The following GRM7 variants were observed in gnomAD, a reference collection of about 807,000 sequenced individuals.
GRM7 encodes the protein metabotropic glutamate receptor 7.
A neutral mutation model predicts 84.5 loss-of-function variants in GRM7; 35 were observed. That is an observed-to-expected ratio of 0.41 (90% CI 0.32 to 0.55). The LOEUF is 0.55. GRM7 is among the 20% of genes least tolerant of loss of function. GRM7 has a pLI of 0.19. For synonymous variants in GRM7, 487 were observed against 455.1 expected, an observed-to-expected ratio of 1.07 and a Z score of -0.89; for missense variants, 1,003 against 1,194.6, an observed-to-expected ratio of 0.84 and a Z score of 2.36.
At chr3:7,363,557 A>G (rs958724816) in intron 4 of GRM7, among the ~76,000 whole-genome samples, 2 of 152,120 alleles carry the variant, frequency 1.3e-5, no homozygotes, top group African/African-American at 4.8e-5. Flanking sequence ...TTATACCCTT[A>G]ATGGAAGAAT....
chr3:7,438,926 A>T (rs1697171980), intron 5 of GRM7, among the ~76,000 whole-genome samples: 1 of 152,202 alleles, frequency 6.6e-6, no homozygotes, highest in Non-Finnish European at 1.5e-5. Context: ...GTTGAATCCA[A>T]TATACCCATA....
intron 2 of GRM7, among the ~76,000 whole-genome samples, chr3:7,245,902 A>C (rs977108629): frequency 3.3e-5 from 5 of 152,150 alleles, no homozygotes; most frequent in African/African-American, 1.2e-4. Flanking sequence ...TGCCATTTGA[A>C]ATAGCATCAA....
rs777739016 is a variant in GRM7, at chr3:6,927,479, A to AAGAAAGAAAGAT, written c.519+65583_519+65584insTAGAAAGAAAGA. Among the ~76,000 whole-genome samples, 144 of 79,116 alleles carry AAGAAAGAAAGAT rather than the reference A, an allele frequency of 1.8e-3. 1 individual carries two copies. The highest frequency in any genetic ancestry group is 3.1e-3 in the Non-Finnish European group (84 of 27,242). 51.9% of individuals were successfully genotyped at this position (79,116 alleles called of 152,430 possible). A position where few individuals can be genotyped will look rare whatever the true frequency, so the allele number is the denominator to read the frequency against. On this transcript the variant is annotated intron_variant, in intron 1 of 9. Transcript: ENST00000357716. ...AAAGAGAGAGAGAAAGAAAGAAAGA[A>AAGAAAGAAAGAT]AGAAAGAAAGAAAGAAAGAAAGAAA...
intron 7 of GRM7, among the ~76,000 whole-genome samples, chr3:7,506,785 G>A (rs971289405): frequency 1.3e-5 from 2 of 152,106 alleles, no homozygotes; most frequent in African/African-American, 4.8e-5. Flanking sequence ...GTCCTGTGAA[G>A]ACAACATGAA....
chr3:7,512,392 T>C (rs932197298), intron 7 of GRM7, among the ~76,000 whole-genome samples: 1 of 152,088 alleles, frequency 6.6e-6, no homozygotes, highest in Non-Finnish European at 1.5e-5. Flanking sequence ...AGTGTGAGAG[T>C]CAAAGTTTCT....
chr3:7,636,274 A>G (rs1322216716), intron 8 of GRM7: 2 of 456,572 alleles, frequency 4.4e-6, no homozygotes, highest in Non-Finnish European at 4.4e-6. Context: ...TCCCTGAATC[A>G]TTGTAAGATA....
chr3:7,204,640 T>C (rs1329173927), intron 2 of GRM7, among the ~76,000 whole-genome samples: 1 of 152,334 alleles, frequency 6.6e-6, no homozygotes, highest in African/African-American at 2.4e-5. Flanking sequence ...AAATAACCAC[T>C]GCAGAAATAG....
chr3:7,117,051 T>C (rs1269266474), intron 1 of GRM7, among the ~76,000 whole-genome samples: 1 of 152,112 alleles, frequency 6.6e-6, no homozygotes, highest in Non-Finnish European at 1.5e-5. Context: ...TTGGGAAGTG[T>C]TGGGGTTAAG....
chr3:7,367,931 T>C (rs1231779993), intron 4 of GRM7, among the ~76,000 whole-genome samples: 1 of 95,520 alleles, frequency 1.0e-5, no homozygotes, highest in Non-Finnish European at 2.1e-5. Context: ...AAAGAAACAT[T>C]AATCCTCAAA....
chr3:7,523,599 C>A lies in GRM7; in HGVS notation c.1516-54823C>A, dbSNP rs965597. On this transcript the variant is annotated intron_variant, in intron 7 of 9. Transcript: ENST00000357716. ...ATGCATCATTTAAATTTGAGGGAAA[C>A]GAGCAAATCTGGGAAGACTACAAGG... 3.5e-3 allele frequency among the ~76,000 whole-genome samples: 528 copies of A among 151,972 alleles called. 7 individuals are homozygous for A. The highest frequency in any genetic ancestry group is 0.01 in the Middle Eastern group (3 of 294).
intron 2 of GRM7, among the ~76,000 whole-genome samples, chr3:7,276,804 T>TCCCTCCCTCCCTCCCTCCCTCCC (rs1699086357): frequency 6.9e-3 from 2 of 288 alleles, no homozygotes; most frequent in Admixed American, 0.056. Flanking sequence ...CCTTCCTTCC[T>TCCCTCCCTCCCTCCCTCCCTCCC]TTTTGGTGGT....
At chr3:7,583,305 T>C (rs950121093) in intron 8 of GRM7, among the ~76,000 whole-genome samples, 1 of 152,178 alleles carries the variant, frequency 6.6e-6, no homozygotes, top group African/African-American at 2.4e-5. Context: ...CTTCTGCATG[T>C]AACAGATAGC....
chr3:7,411,253 A>G (rs1220314222), intron 4 of GRM7, among the ~76,000 whole-genome samples: 2 of 152,214 alleles, frequency 1.3e-5, no homozygotes, highest in African/African-American at 2.4e-5. Context: ...CAAATAATTC[A>G]CAAGTTTAGG....
At chr3:7,135,662 A>T (rs1419002621) in intron 1 of GRM7, among the ~76,000 whole-genome samples, 1 of 152,140 alleles carries the variant, frequency 6.6e-6, no homozygotes, top group Non-Finnish European at 1.5e-5. Context: ...AAAGCAGAAT[A>T]CAATAAAGAG....
chr3:6,945,522 T>G (rs1253032239), intron 1 of GRM7, among the ~76,000 whole-genome samples: 2 of 152,136 alleles, frequency 1.3e-5, no homozygotes, highest in Non-Finnish European at 2.9e-5. Flanking sequence ...GCAATAAACA[T>G]ACATGTGCAT....
At position 7,369,538 on chromosome 3, in the gene GRM7, A is replaced by G. The variant is rs180834182; in HGVS notation, c.1034-45485A>G. ...AACTGTAACTTTTAGCTGGTTAGAC[A>G]TGTCTGTAGCTAAAACTTTGGAGTT... On this transcript the variant is annotated intron_variant, in intron 4 of 9. Coordinates refer to ENST00000357716, the MANE Select transcript of GRM7 (RefSeq NM_000844.4). 3.8e-3 allele frequency among the ~76,000 whole-genome samples: 577 copies of G among 152,194 alleles called. 2 individuals are homozygous for G. Among genetic ancestry groups the G allele is most frequent in the Non-Finnish European group, 6.0e-3 (407 of 68,004 alleles).
chr3:7,735,182 G>T (rs1414718495), intron 9 of GRM7, among the ~76,000 whole-genome samples: 1 of 152,182 alleles, frequency 6.6e-6, no homozygotes, highest in African/African-American at 2.4e-5. Flanking sequence ...CAGAGTTGGT[G>T]GGGGAAGAGG....
intron 2 of GRM7, among the ~76,000 whole-genome samples, chr3:7,290,286 A>G (rs955600815): frequency 1.3e-5 from 2 of 152,178 alleles, no homozygotes; most frequent in African/African-American, 4.8e-5. Flanking sequence ...CCTTTCTGGA[A>G]CAATTTCACC....
At chr3:6,998,376 T>C (rs4686107) in intron 1 of GRM7, among the ~76,000 whole-genome samples, 27,742 of 151,728 alleles carry the variant, frequency 0.18, 3,091 homozygotes, top group East Asian at 0.3. Context: ...CTTGGCAGGG[T>C]ACAGTCCCCC....
Sources: gnomAD v4.1 joint callset for allele counts (sites outside exome capture counted in the v4.1 genomes callset) on GRCh38, gnomAD v4.1.1 for gene constraint, MANE v1.5 for transcripts, NCBI Gene and HGNC (gene_info 2026-07-23, HGNC 2026-07-21) for gene names.